Variants in TMPRSS11D observed in about 807,000 individuals in gnomAD.
TMPRSS11D encodes transmembrane serine protease 11D, also known as transmembrane protease serine 11D.
TMPRSS11D carries 32 observed loss-of-function variants against 44.4 expected under a neutral mutation model. The observed-to-expected ratio is 0.72, with a 90% confidence interval of 0.54 to 0.97. The LOEUF (loss-of-function observed/expected upper bound fraction) is 0.97, where lower values mean the gene tolerates loss of function less well. Among genes scored for constraint, TMPRSS11D ranks in the 50% least tolerant of loss-of-function variants. The pLI is 0.00. For synonymous variants in TMPRSS11D, 179 were observed against 177.9 expected (o/e 1.01, Z -0.05); for missense variants, 446 against 502.6 (o/e 0.89, Z 1.08).
chr4:67,824,137 G>GT (rs5859106), intron 9 of TMPRSS11D, among the ~76,000 whole-genome samples: 1,558 of 143,790 alleles, frequency 0.011, 7 homozygotes, highest in Non-Finnish European at 0.014. Context: ...AAAGTGCTGT[G>GT]TTTTTTTTTT....
chr4:67,864,226 C>T (rs1019771724), intron 1 of TMPRSS11D, among the ~76,000 whole-genome samples: 1 of 151,902 alleles, frequency 6.6e-6, no homozygotes, highest in Non-Finnish European at 1.5e-5. Flanking sequence ...TTTTATTTTG[C>T]TCTATATCAT....
intron 3 of TMPRSS11D, among the ~76,000 whole-genome samples, chr4:67,843,807 C>T (rs575894505): frequency 6.6e-6 from 1 of 152,274 alleles, no homozygotes; most frequent in South Asian, 2.1e-4. Flanking sequence ...CCTGCTGTCC[C>T]AGTTATTTGG....
chr4:67,883,233 A>G (rs1267392791), intron 1 of TMPRSS11D, among the ~76,000 whole-genome samples: 12 of 152,028 alleles, frequency 7.9e-5, no homozygotes, highest in Admixed American at 7.9e-4. Context: ...TATGCATAAT[A>G]TATACACTTA....
chr4:67,827,369 C>G lies in TMPRSS11D; in HGVS notation c.844G>C (p.Val282Leu), dbSNP rs1207834402. 1 of 1,613,292 alleles carries G rather than the reference C, an allele frequency of 6.2e-7. No individual in the cohort carries two copies. The highest frequency in any genetic ancestry group is 1.1e-5 in the South Asian group (1 of 91,060). The change falls in exon 8 of 10, where the codon GTC becomes CTC. Residue 282 changes from valine (V) to leucine (L), a missense_variant. By Grantham distance (32) the Val-to-Leu change is conservative (BLOSUM62 1). Transcript: ENST00000283916. Reference protein sequence around the residue: ...DIALVRLENSVTFTKDIHSVC... With the variant: ...DIALVRLENSLTFTKDIHSVC... ...CTATGGATATCTTTGGTAAAGGTGA[C>G]ACTGTTCTCAAGTCTCACAAGTGCA...
At chr4:67,844,677 G>C (rs1403474931) in intron 3 of TMPRSS11D, among the ~76,000 whole-genome samples, 1 of 152,052 alleles carries the variant, frequency 6.6e-6, no homozygotes. Context: ...TACTTAAGAG[G>C]CTGGGGCAGG....
intron 1 of TMPRSS11D, among the ~76,000 whole-genome samples, chr4:67,873,365 T>G (rs1031188407): frequency 1.3e-5 from 2 of 152,158 alleles, no homozygotes; most frequent in Non-Finnish European, 2.9e-5. Flanking sequence ...ACACTCAGGT[T>G]AGAGACATGT....
chr4:67,867,850 C>A (rs887217511), intron 1 of TMPRSS11D, among the ~76,000 whole-genome samples: 2 of 152,088 alleles, frequency 1.3e-5, no homozygotes. Flanking sequence ...GAAAAGGGAA[C>A]ACTTACACAC....
At chr4:67,877,106 C>G (rs1397820975) in intron 1 of TMPRSS11D, among the ~76,000 whole-genome samples, 1 of 152,104 alleles carries the variant, frequency 6.6e-6, no homozygotes, top group Non-Finnish European at 1.5e-5. Context: ...AGGATTCATT[C>G]TATTGTGCTC....
intron 1 of TMPRSS11D, among the ~76,000 whole-genome samples, chr4:67,868,841 C>T (rs1030885964): frequency 2.0e-5 from 3 of 152,104 alleles, no homozygotes; most frequent in African/African-American, 7.2e-5. Flanking sequence ...TCTCATTGTG[C>T]AGACAAATTT....
chr4:67,882,711 TA>T (rs1434133222), intron 1 of TMPRSS11D, among the ~76,000 whole-genome samples: 1 of 152,148 alleles, frequency 6.6e-6, no homozygotes, highest in East Asian at 1.9e-4. Flanking sequence ...ATATTACACT[TA>T]TAGATGGTTT....
chr4:67,825,395 T>C (rs988956640), intron 9 of TMPRSS11D, among the ~76,000 whole-genome samples: 2 of 151,838 alleles, frequency 1.3e-5, no homozygotes, highest in African/African-American at 4.8e-5. Flanking sequence ...TCATTTAACT[T>C]TTCTTAGTAC....
rs779888666 is a variant in TMPRSS11D at position 67,833,266 on chromosome 4, G to T, written c.630C>A (p.His210Gln). Residue 210 changes from histidine to glutamine, a missense_variant, in exon 7 of 10, where the codon CAC becomes CAA. By Grantham distance (24) the His-to-Gln change is conservative (BLOSUM62 0). Transcript: ENST00000283916. Reference protein sequence around the residue: ...WQVSLRLNNAHHCGGSLINNM... With the variant: ...WQVSLRLNNAQHCGGSLINNM... ...TATTGATCAGGCTGCCTCCACAGTG[G>T]TGGGCATTATTGAGCCGCAGACTGA... The T allele has an allele frequency of 6.3e-7, 1 of 1,596,638 alleles. No individual in the cohort carries two copies. The highest frequency in any genetic ancestry group is 1.4e-5 in the African/African-American group (1 of 73,814).
Position 67,833,064 on chromosome 4 carries a change from T to A in TMPRSS11D, c.692+140A>T, listed in dbSNP as rs142501942. 2,899 of 799,132 alleles carry A rather than the reference T, an allele frequency of 3.6e-3. 78 individuals are homozygous for A. The African/African-American group carries it at 0.047, about 13-fold the overall frequency. 49.5% of individuals were successfully genotyped at this position (799,132 alleles called of 1,614,324 possible). On this transcript the variant is annotated intron_variant, in intron 7 of 9. Transcript: ENST00000283916. Reference sequence around the variant, plus strand: ...CTAAAGGGGAAAAATCCTTTTCCTTTCATGAATAGGAAGAAAATTCTTACT... The same window carrying A: ...CTAAAGGGGAAAAATCCTTTTCCTTACATGAATAGGAAGAAAATTCTTACT...
intron 2 of TMPRSS11D, among the ~76,000 whole-genome samples, chr4:67,855,789 AC>A (rs1164862959): frequency 6.6e-6 from 1 of 152,050 alleles, no homozygotes; most frequent in Non-Finnish European, 1.5e-5. Context: ...ATAATTTTAT[AC>A]CCAAAAAAAC....
chr4:67,825,303 C>T (rs961500238), intron 9 of TMPRSS11D, among the ~76,000 whole-genome samples: 12 of 152,018 alleles, frequency 7.9e-5, no homozygotes, highest in East Asian at 1.9e-4. Context: ...GTTATTAACA[C>T]GAGTGACCAT....
At chr4:67,870,837 C>T (rs13105293) in intron 1 of TMPRSS11D, among the ~76,000 whole-genome samples, 43,202 of 149,718 alleles carry the variant, frequency 0.29, 7,709 homozygotes, top group East Asian at 0.52. Context: ...AAAAATTGCA[C>T]CTCCTCTCTC....
intron 1 of TMPRSS11D, among the ~76,000 whole-genome samples, chr4:67,877,832 T>C (rs887485527): frequency 1.1e-4 from 17 of 152,208 alleles, no homozygotes; most frequent in African/African-American, 4.1e-4. Context: ...ATCCTTTTCC[T>C]GAAATACTGA....
At chr4:67,870,443 G>A (rs1262615723) in intron 1 of TMPRSS11D, among the ~76,000 whole-genome samples, 1 of 152,108 alleles carries the variant, frequency 6.6e-6, no homozygotes, top group African/African-American at 2.4e-5. Flanking sequence ...GTTTTCACAG[G>A]GCTTGCTCCC....
chr4:67,835,849 A>C (rs935424262), intron 5 of TMPRSS11D, among the ~76,000 whole-genome samples: 4 of 152,060 alleles, frequency 2.6e-5, no homozygotes, highest in African/African-American at 9.7e-5. Context: ...GCAATAAAGT[A>C]AGGAGAGCTA....
Sources: allele counts gnomAD v4.1 joint callset (sites outside exome capture counted in the v4.1 genomes callset), GRCh38; gene constraint gnomAD v4.1.1; transcripts MANE v1.5; gene names NCBI Gene and HGNC (gene_info 2026-07-23, HGNC 2026-07-21).